Variants in LRIT1 observed in about 807,000 individuals in gnomAD.
LRIT1 encodes the protein leucine-rich repeat, immunoglobulin-like domain and transmembrane domain-containing protein 1.
Under a neutral mutation model 24.0 loss-of-function variants are expected in LRIT1, and 23 were observed. The observed-to-expected ratio is 0.96, with a 90% CI of 0.69 to 1.36. The LOEUF is 1.36. Ranked by LOEUF, LRIT1 falls within the 40% of genes most tolerant of loss-of-function variation. The pLI, the probability that LRIT1 is intolerant of heterozygous loss-of-function variation, is 0.00. For missense variants in LRIT1, 846 were observed against 806.3 expected (o/e 1.05, Z -0.60); for synonymous variants, 361 against 340.5 (o/e 1.06, Z -0.66).
chr10:84,241,280 G>A lies in LRIT1; in HGVS notation c.122+38C>T, dbSNP rs148666571. 74 of 1,613,294 alleles carry A rather than the reference G, an allele frequency of 4.6e-5. No homozygotes were observed. In the East Asian group the frequency reaches 1.0e-3, roughly 22 times the overall value. On this transcript the variant is annotated intron_variant, in intron 1 of 3. Transcript: ENST00000372105. The stretch of plus-strand genomic sequence containing the variant: ...ACCCAGCCTAGCTGGCAAAGCAATG[G>A]AGGCTGGGCTGCCCGTCCCACGCAC...
intron 1 of LRIT1, among the ~76,000 whole-genome samples, chr10:84,239,887 C>G (rs926953225): frequency 6.6e-6 from 1 of 152,224 alleles, no homozygotes; most frequent in African/African-American, 2.4e-5. Context: ...CCCGCTACCA[C>G]CTTTCATGGC....
chr10:84,238,737 G>A (rs1842671836), intron 1 of LRIT1, among the ~76,000 whole-genome samples: 1 of 152,188 alleles, frequency 6.6e-6, no homozygotes, highest in South Asian at 2.1e-4. Flanking sequence ...TGTCATCAAT[G>A]TTTGCATCTC....
At position 84,234,056 on chromosome 10, in the gene LRIT1, C is replaced by A. The variant is rs751311763; in HGVS notation, c.895+17G>T. Reference sequence around the variant, plus strand: ...CCAGTCTAGGTTCTCAGTGCAGCATCCCTGTAGCTCACATACCTGTACCAT... The same window carrying A: ...CCAGTCTAGGTTCTCAGTGCAGCATACCTGTAGCTCACATACCTGTACCAT... On this transcript the variant is annotated intron_variant, in intron 3 of 3. Coordinates refer to ENST00000372105, the MANE Select transcript of LRIT1 (RefSeq NM_015613.3). 12 of 1,469,766 alleles carry A rather than the reference C, an allele frequency of 8.2e-6. No individual in the cohort carries two copies. Among genetic ancestry groups the A allele is most frequent in the African/African-American group, 1.4e-5 (1 of 70,586 alleles). The allele number at this position is 1,469,766 out of a possible 1,614,324, so 91.0% of individuals were successfully genotyped here.
chr10:84,239,956 G>A (rs1471020139), intron 1 of LRIT1, among the ~76,000 whole-genome samples: 1 of 152,202 alleles, frequency 6.6e-6, no homozygotes, highest in African/African-American at 2.4e-5. Context: ...TAGTCAGGCG[G>A]GTAGAACCAA....
Position 84,237,598 on chromosome 10 carries a change from T to C in LRIT1, c.211A>G (p.Ile71Val), listed in dbSNP as rs1287535334. The change falls in exon 2 of 4, where the codon ATA (isoleucine) becomes GTA (valine). Residue 71 changes from isoleucine to valine, a missense_variant. By Grantham distance (29) the Ile-to-Val change is conservative. Transcript: ENST00000372105. ...AAGGCCTCGCCAGGAACCCTGCGTA[T>C]GGCCGTCCGCTCCAGGCGCAGTCTG... ...TSRLRLERTA[I>V]RRVPGEAFRP... 6.2e-7 allele frequency: 1 copy of C among 1,606,700 alleles called. No individual in the cohort carries two copies. Among genetic ancestry groups the C allele is most frequent in the Non-Finnish European group, 8.5e-7 (1 of 1,179,750 alleles).
In LRIT1 at chr10:84,231,871, C is replaced by T; in HGVS notation, c.*56G>A. 4.5e-6 allele frequency: 7 copies of T among 1,544,698 alleles called. 1 individual carries two copies. In the South Asian group the frequency reaches 8.6e-5, roughly 19 times the overall value. On this transcript the variant is annotated 3_prime_UTR_variant, in exon 4 of 4. Coordinates refer to ENST00000372105, the MANE Select transcript of LRIT1 (RefSeq NM_015613.3). ...AGTGGGTGATCGTGTACTCAGGTGT[C>T]AGAGCTAAAGAAGGAGCGTGGGCAG... is the stretch of plus-strand genomic sequence containing the variant.
At position 84,234,201 on chromosome 10, in the gene LRIT1, A is replaced by T; in HGVS notation, c.767T>A (p.Leu256His). ...CCTGATGCTGGCCACTCCTGGATGG[A>T]GCTCTGGGCCCTGGCACTTCCTCAG... Reference protein sequence around the residue: ...LELRKCQGPELHPGVASIRSL... With the variant: ...LELRKCQGPEHHPGVASIRSL... The change falls in exon 3 of 4, where the codon CTC becomes CAC. Residue 256 changes from leucine (L) to histidine (H), a missense_variant. Leu to His is a moderately conservative substitution (Grantham distance 99). Coordinates refer to ENST00000372105, the MANE Select transcript of LRIT1 (RefSeq NM_015613.3). 4 of 1,614,002 alleles carry T rather than the reference A, an allele frequency of 2.5e-6. No individual in the cohort carries two copies. The highest frequency in any genetic ancestry group is 3.4e-6 in the Non-Finnish European group (4 of 1,180,016).
intron 1 of LRIT1, among the ~76,000 whole-genome samples, chr10:84,238,703 C>T (rs969427953): frequency 6.6e-6 from 1 of 152,236 alleles, no homozygotes; most frequent in Non-Finnish European, 1.5e-5. Context: ...TGCCACCCTG[C>T]ATGAGCCCAA....
intron 1 of LRIT1, 32 bp from the exon 2 acceptor site, chr10:84,237,718 G>A (rs375819585): frequency 4.6e-6 from 7 of 1,517,114 alleles, no homozygotes; most frequent in Non-Finnish European, 5.4e-6. Context: ...AGTTGAGCAA[G>A]GATCCTGCCG....
intron 1 of LRIT1, among the ~76,000 whole-genome samples, chr10:84,239,584 A>G (rs534927692): frequency 3.9e-5 from 6 of 152,342 alleles, no homozygotes; most frequent in East Asian, 1.9e-4. Flanking sequence ...TAAGAACTCA[A>G]TGCAAGCCTA....
chr10:84,237,638 G>C lies in LRIT1; in HGVS notation c.171C>G (p.Ile57Met), dbSNP rs1351805936. 1 of 1,605,702 alleles carries C rather than the reference G, an allele frequency of 6.2e-7. No homozygotes were observed. The highest frequency in any genetic ancestry group is 1.7e-5 in the Admixed American group (1 of 59,818). The part of the protein sequence containing the change: ...DPDMTLPPAS[I>M]PPDTSRLRLE... ...GGCGCAGTCTGGAGGTGTCCGGGGG[G>C]ATGGACGCCGGGGGCAGGGTCATGT... Residue 57 changes from isoleucine to methionine, a missense_variant, in exon 2 of 4, where the codon ATC becomes ATG. Coordinates refer to ENST00000372105, the MANE Select transcript of LRIT1 (RefSeq NM_015613.3).
chr10:84,241,209 A>G, intron 1 of LRIT1, 109 bp downstream of exon 1: 1 of 1,512,390 alleles, frequency 6.6e-7, no homozygotes, highest in Non-Finnish European at 9.0e-7. Flanking sequence ...TCAAGGGCCA[A>G]GGGAGATGAA....
Position 84,241,488 on chromosome 10 carries a change from T to C in LRIT1, c.-49A>G, listed in dbSNP as rs976750095. On this transcript the variant is annotated 5_prime_UTR_variant, in exon 1 of 4. Coordinates refer to ENST00000372105, the MANE Select transcript of LRIT1 (RefSeq NM_015613.3). ...AGGCAGGGGCCTGTCCCTGGACCGC[T>C]CCGTCCCACCGGCCCAGCAAGCTCA... 4.5e-6 allele frequency: 6 copies of C among 1,339,712 alleles called. No homozygotes were observed. In the East Asian group the frequency reaches 8.2e-5, roughly 18 times the overall value. The allele number at this position is 1,339,712 out of a possible 1,614,324, so 83.0% of individuals were successfully genotyped here. A position where few individuals can be genotyped will look rare whatever the true frequency, so the allele number is the denominator to read the frequency against.
chr10:84,240,629 T>C (rs1277259462), intron 1 of LRIT1, among the ~76,000 whole-genome samples: 1 of 151,878 alleles, frequency 6.6e-6, no homozygotes, highest in African/African-American at 2.4e-5. Flanking sequence ...GAATGTCCCA[T>C]GAAAGGAGAG....
At chr10:84,235,856 C>A (rs1842642858) in intron 2 of LRIT1, among the ~76,000 whole-genome samples, 1 of 151,898 alleles carries the variant, frequency 6.6e-6, no homozygotes, top group African/African-American at 2.4e-5. Flanking sequence ...AGTGATCCAC[C>A]CGTCTCGGCC....
rs746108059 is a variant in LRIT1, at chr10:84,237,303, C to T, written c.506G>A (p.Arg169Lys). 9.3e-5 allele frequency: 145 copies of T among 1,550,940 alleles called. No homozygotes were observed. The highest frequency in any genetic ancestry group is 1.2e-4 in the Non-Finnish European group (134 of 1,146,976). The change falls in exon 2 of 4, where the codon AGG (arginine) becomes AAG (lysine). Residue 169 changes from arginine to lysine, a missense_variant. Physicochemically the swap from Arg to Lys is conservative, Grantham distance 26. Coordinates refer to ENST00000372105, the MANE Select transcript of LRIT1 (RefSeq NM_015613.3). ...FLDLSSNQLM[R>K]LPQELIVSWA... is the part of the protein sequence containing the mutation. The stretch of plus-strand genomic sequence containing the variant: ...GGAGACGATGAGCTCCTGCGGGAGC[C>T]TCATCAGCTGGTTGCTGGAGAGGTC...
chr10:84,231,725 C>T lies in LRIT1; in HGVS notation c.*202G>A, dbSNP rs1842597486. The T allele has an allele frequency of 1.7e-6, 1 of 585,788 alleles. No homozygotes were observed. Among genetic ancestry groups the T allele is most frequent in the Admixed American group, 3.1e-5 (1 of 32,070 alleles). 36.3% of individuals were successfully genotyped at this position (585,788 alleles called of 1,614,324 possible). ...AAATGATTGTTACAAGAATTTAGCA[C>T]TTAGAACACTTTCTAGTCTGTAGTA... On this transcript the variant is annotated 3_prime_UTR_variant, in exon 4 of 4. Coordinates refer to ENST00000372105, the MANE Select transcript of LRIT1 (RefSeq NM_015613.3).
At position 84,234,446 on chromosome 10, in the gene LRIT1, TC is replaced by T; in HGVS notation, c.590-69del. On this transcript the variant is annotated intron_variant, in intron 2 of 3. Coordinates refer to ENST00000372105, the MANE Select transcript of LRIT1 (RefSeq NM_015613.3). Reference sequence around the variant, plus strand: ...CAACGTCCTCAGGCCCAGCACCCCTTCCCCTCTGGAAGGACAGGCAGGTCCT... The same window carrying T: ...CAACGTCCTCAGGCCCAGCACCCCTTCCCTCTGGAAGGACAGGCAGGTCCT... 2.3e-6 allele frequency: 3 copies of T among 1,304,454 alleles called. No individual in the cohort carries two copies. In the African/African-American group the frequency reaches 4.5e-5, roughly 20 times the overall value. The allele number at this position is 1,304,454 out of a possible 1,614,324, so 80.8% of individuals were successfully genotyped here.
intron 1 of LRIT1, among the ~76,000 whole-genome samples, chr10:84,238,105 G>A (rs1212503031): frequency 2.0e-5 from 3 of 152,222 alleles, no homozygotes; most frequent in Non-Finnish European, 4.4e-5. Context: ...TGTAATCCCA[G>A]CACTTTGGGA....
Sources: allele counts gnomAD v4.1 joint callset (sites outside exome capture counted in the v4.1 genomes callset), GRCh38; gene constraint gnomAD v4.1.1; transcripts MANE v1.5; gene names NCBI Gene and HGNC (gene_info 2026-07-23, HGNC 2026-07-21).